Variants in CDH13 observed in about 807,000 individuals in gnomAD.
CDH13 encodes cadherin-13.
Under a neutral mutation model 63.8 loss-of-function variants are expected in CDH13, and 24 were observed. The observed-to-expected ratio is 0.38, with a 90% confidence interval of 0.27 to 0.53. CDH13 has a LOEUF of 0.53. CDH13 is among the 20% of genes least tolerant of loss of function. The probability of loss-of-function intolerance (pLI) is 0.85; values close to 1 mark genes in which losing one functional copy is unlikely to be tolerated. For missense variants in CDH13, 1,049 were observed against 903.1 expected (o/e 1.16, Z -2.07); for synonymous variants, 503 against 355.3 (o/e 1.42, Z -4.67).
intron 1 of CDH13, among the ~76,000 whole-genome samples, chr16:82,791,087 A>G (rs2036274416): frequency 6.6e-6 from 1 of 152,090 alleles, no homozygotes; most frequent in Non-Finnish European, 1.5e-5. Flanking sequence ...AATACTAAAT[A>G]TTAGCTGGGC....
chr16:83,650,843 C>T (rs1398512975), intron 8 of CDH13, among the ~76,000 whole-genome samples: 1 of 152,098 alleles, frequency 6.6e-6, no homozygotes, highest in East Asian at 1.9e-4. Flanking sequence ...GCGGCTGAGG[C>T]TGGAGGATTG....
At chr16:83,404,234 A>G (rs1215646801) in intron 6 of CDH13, among the ~76,000 whole-genome samples, 1 of 152,194 alleles carries the variant, frequency 6.6e-6, no homozygotes, top group Non-Finnish European at 1.5e-5. Flanking sequence ...CCTTTGCTCC[A>G]CCTGCAGAGA....
At chr16:83,508,110 A>AGGAAGGAAAAGGAAGG (rs1476708476) in intron 7 of CDH13, among the ~76,000 whole-genome samples, 1 of 42,496 alleles carries the variant, frequency 2.4e-5, no homozygotes, top group Non-Finnish European at 4.5e-5. Context: ...GAAGGAAGGA[A>AGGAAGGAAAAGGAAGG]AAGGAAGGAA....
chr16:83,028,776 A>T (rs997126169), intron 2 of CDH13, among the ~76,000 whole-genome samples: 1 of 152,218 alleles, frequency 6.6e-6, no homozygotes, highest in Non-Finnish European at 1.5e-5. Context: ...TTCCCATTTA[A>T]TATTTTCAGA....
At chr16:82,896,446 A>G (rs1165148968) in intron 2 of CDH13, among the ~76,000 whole-genome samples, 2 of 151,622 alleles carry the variant, frequency 1.3e-5, no homozygotes, top group Non-Finnish European at 2.9e-5. Context: ...GGGGTTCCCC[A>G]CTATGCCTGG....
intron 2 of CDH13, among the ~76,000 whole-genome samples, chr16:82,903,404 C>T (rs2041534037): frequency 6.6e-6 from 1 of 152,166 alleles, no homozygotes; most frequent in Admixed American, 6.5e-5. Flanking sequence ...GCTTTGCCTA[C>T]CCGCAGTGGA....
chr16:83,277,365 G>A (rs545646459), intron 5 of CDH13, among the ~76,000 whole-genome samples: 10 of 152,248 alleles, frequency 6.6e-5, no homozygotes, highest in Middle Eastern at 3.4e-3. Context: ...AAACTCAGAT[G>A]CCTAAACCAT....
intron 8 of CDH13, among the ~76,000 whole-genome samples, chr16:83,650,228 T>A (rs1229867309): frequency 6.6e-6 from 1 of 151,458 alleles, no homozygotes; most frequent in Non-Finnish European, 1.5e-5. Flanking sequence ...GGAAAAAAAA[T>A]ACCTTTCTTC....
At chr16:82,767,654 G>A (rs1444374006) in intron 1 of CDH13, among the ~76,000 whole-genome samples, 1 of 152,134 alleles carries the variant, frequency 6.6e-6, no homozygotes, top group African/African-American at 2.4e-5. Context: ...GACTCTGGCT[G>A]TTCATATTCT....
chr16:83,205,615 T>G (rs2151771370), intron 4 of CDH13, among the ~76,000 whole-genome samples: 1 of 151,266 alleles, frequency 6.6e-6, no homozygotes, highest in African/African-American at 2.4e-5. Context: ...TTTTTTTTTT[T>G]TTTTTTTTGA....
At chr16:82,823,884 T>C (rs1456425487) in intron 1 of CDH13, 1 of 152,194 alleles carries the variant, frequency 6.6e-6, no homozygotes, top group African/African-American at 2.4e-5. Context: ...TAGAAATTCA[T>C]GTATTCTCTT....
chr16:83,178,146 AG>A (rs1002793542), intron 4 of CDH13, among the ~76,000 whole-genome samples: 3 of 152,150 alleles, frequency 2.0e-5, no homozygotes, highest in African/African-American at 7.2e-5. Context: ...AAAGTGAAAA[AG>A]GTTGATCCAG....
intron 1 of CDH13, among the ~76,000 whole-genome samples, chr16:82,855,981 G>C (rs780317551): frequency 1.3e-5 from 2 of 152,124 alleles, no homozygotes; most frequent in Non-Finnish European, 2.9e-5. Context: ...CAGTGGTTAG[G>C]ATTTTGAGGT....
intron 1 of CDH13, chr16:82,829,194 C>T (rs1464418110): frequency 1.3e-5 from 2 of 152,174 alleles, no homozygotes; most frequent in African/African-American, 4.8e-5. Flanking sequence ...ACTGAGGAGG[C>T]ACAAGTCGAG....
intron 1 of CDH13, among the ~76,000 whole-genome samples, chr16:82,741,026 A>C (rs2033902463): frequency 6.6e-6 from 1 of 152,186 alleles, no homozygotes; most frequent in Non-Finnish European, 1.5e-5. Context: ...AAAGTATTTT[A>C]TAGTTAACCT....
At position 82,833,503 on chromosome 16, in the gene CDH13, A is replaced by G. The variant is rs1021866614; in HGVS notation, c.46-24859A>G. 3.9e-5 allele frequency among the ~76,000 whole-genome samples: 6 copies of G among 152,330 alleles called. No individual in the cohort carries two copies. The South Asian group carries it at 1.0e-3, about 26-fold the overall frequency. ...TGATTCTGATCCCCATGAATTCACT[A>G]TGTTGTCAAATGCTGAGTTTGCAAA... On this transcript the variant is annotated intron_variant, in intron 1 of 13. Transcript: ENST00000567109.
chr16:82,668,368 C>T (rs16958059), intron 1 of CDH13, among the ~76,000 whole-genome samples: 3,984 of 152,160 alleles, frequency 0.026, 120 homozygotes, highest in African/African-American at 0.082. Flanking sequence ...ATTGCCTAAG[C>T]TGTTATTGGT....
rs554925464 is a variant in CDH13 at position 83,024,721 on chromosome 16, C to A, written c.158-7289C>A. 2.6e-5 allele frequency among the ~76,000 whole-genome samples: 4 copies of A among 152,340 alleles called. No homozygotes were observed. The East Asian group carries it at 7.7e-4, about 29-fold the overall frequency. The stretch of plus-strand genomic sequence containing the variant: ...ATGTAATGTCATTACTTTAGGAAAA[C>A]TCTTGCCTTACATTTGTACGAAGTT... On this transcript the variant is annotated intron_variant, in intron 2 of 13. Coordinates refer to ENST00000567109, the MANE Select transcript of CDH13 (RefSeq NM_001257.5).
chr16:83,004,411 AAATAG>A (rs1913263644), intron 2 of CDH13, among the ~76,000 whole-genome samples: 1 of 152,182 alleles, frequency 6.6e-6, no homozygotes, highest in Non-Finnish European at 1.5e-5. Context: ...AGCTTAAACC[AAATAG>A]AATTATACTT....
Sources: gnomAD v4.1 joint callset for allele counts (sites outside exome capture counted in the v4.1 genomes callset) on GRCh38, gnomAD v4.1.1 for gene constraint, MANE v1.5 for transcripts, NCBI Gene and HGNC (gene_info 2026-07-23, HGNC 2026-07-21) for gene names.